Variants in PALMD observed in about 807,000 individuals in gnomAD.
The protein encoded by PALMD is palmdelphin.
Under a neutral mutation model 56.2 loss-of-function variants are expected in PALMD, and 42 were observed. The observed-to-expected ratio is 0.75, with a 90% CI of 0.58 to 0.97. PALMD has a LOEUF of 0.97. Ranked by LOEUF, PALMD falls within the 50% of genes least tolerant of loss-of-function variation. The probability of loss-of-function intolerance (pLI) is 0.00; values close to 1 mark genes in which losing one functional copy is unlikely to be tolerated. For synonymous variants in PALMD, 242 were observed against 222.9 expected (o/e 1.09, Z -0.76); for missense variants, 660 against 643.8 (o/e 1.03, Z -0.27).
chr1:99,663,859 C>T (rs984211387), intron 2 of PALMD, among the ~76,000 whole-genome samples: 5 of 152,122 alleles, frequency 3.3e-5, no homozygotes, highest in Admixed American at 1.3e-4. Flanking sequence ...CCAGCACTTG[C>T]CAAAAACAGT....
chr1:99,647,705 T>A (rs1055558455), intron 1 of PALMD, among the ~76,000 whole-genome samples: 3 of 152,370 alleles, frequency 2.0e-5, no homozygotes, highest in South Asian at 2.1e-4. Flanking sequence ...TTACAGCTGT[T>A]GTCTAAAGGT....
rs542877222 is a variant in PALMD, at chr1:99,662,662, C to T, written c.126+263C>T. On this transcript the variant is annotated intron_variant, in intron 2 of 7. Coordinates refer to ENST00000263174, the MANE Select transcript of PALMD (RefSeq NM_017734.5). ...TGAGTTTCCCAATTTTCTTGAGCAACCTTGAGAATTCAGCCTTGAGAATTT... is the reference window on the plus strand; with the variant it reads ...TGAGTTTCCCAATTTTCTTGAGCAATCTTGAGAATTCAGCCTTGAGAATTT... Among the ~76,000 whole-genome samples the T allele has an allele frequency of 6.6e-5, 10 of 152,272 alleles. 1 individual carries two copies. The South Asian group carries it at 2.1e-3, about 32-fold the overall frequency.
intron 2 of PALMD, 37 bp from the exon 3 acceptor site, chr1:99,667,605 C>G: frequency 1.3e-6 from 2 of 1,575,612 alleles, no homozygotes; most frequent in Non-Finnish European, 1.7e-6. Flanking sequence ...AATTATTGAC[C>G]AATATAAGAA....
intron 6 of PALMD, among the ~76,000 whole-genome samples, 190 bp from the exon 7 acceptor site, chr1:99,688,585 A>G (rs1351123389): frequency 6.6e-6 from 1 of 152,158 alleles, no homozygotes; most frequent in East Asian, 1.9e-4. Context: ...ACACCATTAC[A>G]TAAAAACCCG....
chr1:99,683,054 A>AG (rs1653392774), intron 3 of PALMD, among the ~76,000 whole-genome samples: 5 of 26,274 alleles, frequency 1.9e-4, no homozygotes, highest in Non-Finnish European at 3.9e-4. Flanking sequence ...GAAAGAAAGA[A>AG]AGAGAGAGAG....
intron 3 of PALMD, among the ~76,000 whole-genome samples, chr1:99,675,651 A>G (rs1653183758): frequency 6.6e-6 from 1 of 152,212 alleles, no homozygotes; most frequent in Admixed American, 6.5e-5. Context: ...CCAATCCTTC[A>G]TATCACATCA....
At position 99,656,562 on chromosome 1, in the gene PALMD, C is replaced by A. The variant is rs969148308; in HGVS notation, c.46-5757C>A. Reference sequence around the variant, plus strand: ...CTGAAAACATTCAACTATTTTAATTCTTCAATCATTGCACTAACTTGCCCC... The same window carrying A: ...CTGAAAACATTCAACTATTTTAATTATTCAATCATTGCACTAACTTGCCCC... On this transcript the variant is annotated intron_variant, in intron 1 of 7. Transcript: ENST00000263174. Among the ~76,000 whole-genome samples, 8 of 152,292 alleles carry A rather than the reference C, an allele frequency of 5.3e-5. No homozygotes were observed. In the East Asian group the frequency reaches 1.5e-3, roughly 29 times the overall value.
intron 1 of PALMD, among the ~76,000 whole-genome samples, chr1:99,650,329 T>C (rs932601393): frequency 1.4e-5 from 2 of 140,332 alleles, no homozygotes; most frequent in Admixed American, 1.4e-4. Context: ...AGCTCTCACA[T>C]TTCCCCTGAT....
chr1:99,652,566 T>A lies in PALMD; in HGVS notation c.45+6204T>A, dbSNP rs145995655. 6.0e-3 allele frequency among the ~76,000 whole-genome samples: 895 copies of A among 149,768 alleles called. 10 individuals are homozygous for A. The highest frequency in any genetic ancestry group is 0.021 in the African/African-American group (861 of 40,654). On this transcript the variant is annotated intron_variant, in intron 1 of 7. Coordinates refer to ENST00000263174, the MANE Select transcript of PALMD (RefSeq NM_017734.5). ...TTGCAGTGAGCTGTGATTGCGTCAC[T>A]GCACTCCAGCCTGGGTAACAGAGTG...
chr1:99,669,951 G>A (rs2100863589), intron 3 of PALMD: 1 of 152,334 alleles, frequency 6.6e-6, no homozygotes, highest in South Asian at 2.1e-4. Context: ...ACTTCTTTCA[G>A]AGAAGTTAAG....
chr1:99,691,257 A>C (rs1571078264), intron 7 of PALMD, among the ~76,000 whole-genome samples: 1 of 152,166 alleles, frequency 6.6e-6, no homozygotes, highest in East Asian at 1.9e-4. Flanking sequence ...TAGCAGTGAC[A>C]TTATCCACTA....
chr1:99,662,016 T>C (rs948107011), intron 1 of PALMD, among the ~76,000 whole-genome samples: 5 of 152,216 alleles, frequency 3.3e-5, no homozygotes, highest in Non-Finnish European at 5.9e-5. Context: ...CAATTCACTT[T>C]TTCTATTACA....
intron 1 of PALMD, among the ~76,000 whole-genome samples, chr1:99,658,412 T>C (rs1007405242): frequency 1.3e-5 from 2 of 152,088 alleles, no homozygotes; most frequent in African/African-American, 4.8e-5. Context: ...GGAGGATTGC[T>C]TGAGCTCAGG....
chr1:99,689,936 T>C (rs765567282), intron 7 of PALMD, 64 bp downstream of exon 7: 103 of 1,474,556 alleles, frequency 7.0e-5, no homozygotes, highest in Non-Finnish European at 8.9e-5. Flanking sequence ...CTTGTGCTAA[T>C]GCAGTCTTGC....
At chr1:99,652,497 G>A (rs1348016306) in intron 1 of PALMD, among the ~76,000 whole-genome samples, 1 of 151,948 alleles carries the variant, frequency 6.6e-6, no homozygotes, top group African/African-American at 2.4e-5. Context: ...CCAGCTACTT[G>A]GGAAGCTGAG....
Position 99,646,221 on chromosome 1 carries a change from TTCTCTTCTG to T in PALMD, c.-94_-86del. ...GTGCAAAGAGCGGATTTCTCCCTGC[TTCTCTTCTG>T]TCACCCCCGCTCCTCTCCCCCAGGA... On this transcript the variant is annotated 5_prime_UTR_variant, in exon 1 of 8. Transcript: ENST00000263174. 2 of 935,516 alleles carry T rather than the reference TTCTCTTCTG, an allele frequency of 2.1e-6. No homozygotes were observed. 58.0% of individuals were successfully genotyped at this position (935,516 alleles called of 1,614,324 possible). A position where few individuals can be genotyped will look rare whatever the true frequency, so the allele number is the denominator to read the frequency against.
chr1:99,667,486 G>T, intron 2 of PALMD, 156 bp from the exon 3 acceptor site: 1 of 685,698 alleles, frequency 1.5e-6, no homozygotes, highest in Non-Finnish European at 2.6e-6. Flanking sequence ...AGGTTACAAT[G>T]AAAGAAAATA....
intron 1 of PALMD, among the ~76,000 whole-genome samples, chr1:99,650,065 G>C (rs1270625369): frequency 6.6e-6 from 1 of 152,076 alleles, no homozygotes; most frequent in African/African-American, 2.4e-5. Context: ...GGAGTGCATT[G>C]TAAGTTAAAA....
chr1:99,690,470 G>C (rs1416598388), intron 7 of PALMD, among the ~76,000 whole-genome samples: 1 of 151,768 alleles, frequency 6.6e-6, no homozygotes, highest in Non-Finnish European at 1.5e-5. Context: ...CCCCAACTTA[G>C]CATATTTATC....
Sources: allele counts gnomAD v4.1 joint callset (sites outside exome capture counted in the v4.1 genomes callset), GRCh38; gene constraint gnomAD v4.1.1; transcripts MANE v1.5; gene names NCBI Gene and HGNC (gene_info 2026-07-23, HGNC 2026-07-21).